Variants in LOXHD1 observed in about 807,000 individuals in gnomAD.
The protein encoded by LOXHD1 is lipoxygenase homology domain-containing protein 1.
Under a neutral mutation model 248.2 loss-of-function variants are expected in LOXHD1, and 205 were observed. That is an observed-to-expected ratio of 0.83 (90% CI 0.74 to 0.93). LOXHD1 has a LOEUF of 0.93. Ranked by LOEUF, LOXHD1 falls within the 40% of genes least tolerant of loss-of-function variation. The pLI, the probability that LOXHD1 is intolerant of heterozygous loss-of-function variation, is 0.00. For missense variants in LOXHD1, 2,930 were observed against 2,971.6 expected, an observed-to-expected ratio of 0.99 and a Z score of 0.33; for synonymous variants, 1,113 against 1,162.8, an observed-to-expected ratio of 0.96 and a Z score of 0.87.
At chr18:46,572,739 G>A (rs1389624472) in intron 14 of LOXHD1, among the ~76,000 whole-genome samples, 1 of 152,120 alleles carries the variant, frequency 6.6e-6, no homozygotes. Flanking sequence ...GCTAGGATAC[G>A]TAAGGCCCAG....
chr18:46,600,282 C>G (rs1464167843), intron 8 of LOXHD1, among the ~76,000 whole-genome samples: 1 of 152,152 alleles, frequency 6.6e-6, no homozygotes, highest in African/African-American at 2.4e-5. Context: ...GGACAAATCT[C>G]TAAAACATAA....
chr18:46,615,607 G>T (rs1178527957), intron 5 of LOXHD1, among the ~76,000 whole-genome samples: 1 of 152,000 alleles, frequency 6.6e-6, no homozygotes, highest in East Asian at 1.9e-4. Flanking sequence ...TTAAGTTAAG[G>T]CTTGCTTTGT....
At chr18:46,515,015 G>A (rs2035172918) in intron 34 of LOXHD1, among the ~76,000 whole-genome samples, 1 of 152,178 alleles carries the variant, frequency 6.6e-6, no homozygotes, top group Non-Finnish European at 1.5e-5. Flanking sequence ...TCTCATGGGA[G>A]TTAATTTACC....
chr18:46,646,909 A>G (rs1303344030), intron 2 of LOXHD1, among the ~76,000 whole-genome samples: 1 of 152,178 alleles, frequency 6.6e-6, no homozygotes, highest in Non-Finnish European at 1.5e-5. Flanking sequence ...CCCCCAGGCC[A>G]TCCTCCAGCT....
rs80246125 is a variant in LOXHD1 at position 46,518,663 on chromosome 18, C to T, written c.5272-407G>A. Among the ~76,000 whole-genome samples, 9,156 of 152,326 alleles carry T rather than the reference C, an allele frequency of 0.06. 401 individuals are homozygous for T. Among genetic ancestry groups the T allele is most frequent in the South Asian group, 0.16 (759 of 4,824 alleles). On this transcript the variant is annotated intron_variant, in intron 33 of 40. Coordinates refer to ENST00000642948, the MANE Select transcript of LOXHD1 (RefSeq NM_001384474.1). ...TGGCTGTTAGACCCGGGCAGATGCCCGACCTCACCAGCCTCTGCTCCCCTG... is the reference window on the plus strand; with the variant it reads ...TGGCTGTTAGACCCGGGCAGATGCCTGACCTCACCAGCCTCTGCTCCCCTG...
At position 46,657,075 on chromosome 18, in the gene LOXHD1, C is replaced by A. The variant is rs748171368; in HGVS notation, c.-42G>T. On this transcript the variant is annotated 5_prime_UTR_variant, in exon 1 of 41. Transcript: ENST00000642948. Reference sequence around the variant, plus strand: ...TCCCAGCGCTCGCAGGCTCACTGTGCCGCCTCCTCACACCTGCGGGAACCT... The same window carrying A: ...TCCCAGCGCTCGCAGGCTCACTGTGACGCCTCCTCACACCTGCGGGAACCT... 6.4e-7 allele frequency: 1 copy of A among 1,550,982 alleles called. No individual in the cohort carries two copies. The highest frequency in any genetic ancestry group is 8.7e-7 in the Non-Finnish European group (1 of 1,146,722).
In LOXHD1 at chr18:46,521,148, G is replaced by A; in HGVS notation, c.5220C>T (p.Thr1740=). ...CATCCAAGAGGTCGAAGACACGGGAGGTGATGCCGTCGCCTCTGTCCTTGG... is the reference window on the plus strand; with the variant it reads ...CATCCAAGAGGTCGAAGACACGGGAAGTGATGCCGTCGCCTCTGTCCTTGG... The part of the protein sequence containing the change: ...WLAKDRGDGI[T]SRVFDLLDAM... Residue 1740 remains threonine, a synonymous_variant, in exon 33 of 41, where the codon ACC becomes ACT. Transcript: ENST00000642948. 1 of 1,551,766 alleles carries A rather than the reference G, an allele frequency of 6.4e-7. No homozygotes were observed. Among genetic ancestry groups the A allele is most frequent in the Non-Finnish European group, 8.7e-7 (1 of 1,147,012 alleles).
chr18:46,640,838 C>T (rs149293046), intron 3 of LOXHD1, among the ~76,000 whole-genome samples: 27 of 152,296 alleles, frequency 1.8e-4, no homozygotes, highest in Middle Eastern at 3.4e-3. Flanking sequence ...TCCTCTCCAA[C>T]GTCCAGTTTC....
chr18:46,540,424 T>C (rs2036508862), intron 25 of LOXHD1, among the ~76,000 whole-genome samples: 1 of 152,126 alleles, frequency 6.6e-6, no homozygotes, highest in Non-Finnish European at 1.5e-5. Context: ...AGAGGTGTCA[T>C]CTCTGCAGCA....
chr18:46,547,686 C>T (rs546391468), intron 21 of LOXHD1, among the ~76,000 whole-genome samples: 3 of 152,198 alleles, frequency 2.0e-5, no homozygotes, highest in South Asian at 2.1e-4. Context: ...TAAGGACTCT[C>T]CCCTGGGTCA....
chr18:46,604,992 T>C (rs186777003), intron 6 of LOXHD1, among the ~76,000 whole-genome samples: 1 of 152,236 alleles, frequency 6.6e-6, no homozygotes, highest in East Asian at 1.9e-4. Flanking sequence ...ATACCTTAAA[T>C]ATACACAAAA....
Position 46,529,184 on chromosome 18 carries a change from C to G in LOXHD1, c.4523G>C (p.Arg1508Thr), listed in dbSNP as rs199518750. ...TCCGTGTGCCCCTCATACCGTTCCT[C>G]TCTCGAACTTGTTGGTCCGGTTCTC... ...KSENRTNKFE[R>T]GTADTFIIEA... is the part of the protein sequence containing the mutation. Residue 1508 changes from arginine to threonine, a missense_variant, in exon 29 of 41, where the codon AGA (arginine) becomes ACA (threonine). Arg to Thr is a moderately conservative substitution (Grantham distance 71). Coordinates refer to ENST00000642948, the MANE Select transcript of LOXHD1 (RefSeq NM_001384474.1). The G allele has an allele frequency of 6.4e-7, 1 of 1,551,572 alleles. No individual in the cohort carries two copies. The highest frequency in any genetic ancestry group is 1.4e-5 in the African/African-American group (1 of 73,112).
At chr18:46,484,069 C>G (rs1275083035) in intron 39 of LOXHD1, among the ~76,000 whole-genome samples, 12 of 152,032 alleles carry the variant, frequency 7.9e-5, no homozygotes, top group Non-Finnish European at 1.5e-5. Flanking sequence ...ACAGACATGT[C>G]TTAGCAAAGT....
intron 5 of LOXHD1, among the ~76,000 whole-genome samples, chr18:46,617,539 CT>C (rs35606636): frequency 0.023 from 3,315 of 145,442 alleles, 74 homozygotes; most frequent in East Asian, 0.13. Context: ...GGAGATTTCT[CT>C]TTTTTTTTTT....
intron 1 of LOXHD1, among the ~76,000 whole-genome samples, chr18:46,654,351 T>A (rs1056876224): frequency 2.0e-5 from 3 of 152,224 alleles, no homozygotes; most frequent in African/African-American, 7.2e-5. Flanking sequence ...GAAAATTGCA[T>A]CCCAACAGAT....
chr18:46,651,847 G>C (rs941502583), intron 1 of LOXHD1, among the ~76,000 whole-genome samples: 2 of 152,162 alleles, frequency 1.3e-5, no homozygotes, highest in Non-Finnish European at 2.9e-5. Flanking sequence ...TTTTTAAGAA[G>C]ATAAGTGTAC....
chr18:46,625,623 A>G (rs551318571), intron 4 of LOXHD1, among the ~76,000 whole-genome samples: 10 of 152,286 alleles, frequency 6.6e-5, no homozygotes, highest in African/African-American at 2.4e-4. Flanking sequence ...AGCTTGCCCT[A>G]TACCATTCAT....
chr18:46,553,269 C>T (rs763830789), intron 21 of LOXHD1, among the ~76,000 whole-genome samples: 36 of 152,188 alleles, frequency 2.4e-4, no homozygotes, highest in Admixed American at 1.7e-3. Flanking sequence ...GGGTGCTGGG[C>T]GCCTAAACAC....
At chr18:46,546,847 C>T in intron 22 of LOXHD1, 48 bp downstream of exon 22, 1 of 1,521,210 alleles carries the variant, frequency 6.6e-7, no homozygotes, top group Non-Finnish European at 8.9e-7. Context: ...TAGGGAGAGG[C>T]AGAGGGGAGG....
Sources: gnomAD v4.1 joint callset for allele counts (sites outside exome capture counted in the v4.1 genomes callset) on GRCh38, gnomAD v4.1.1 for gene constraint, MANE v1.5 for transcripts, NCBI Gene and HGNC (gene_info 2026-07-23, HGNC 2026-07-21) for gene names.